Variants in APOL2 observed in about 807,000 individuals in gnomAD.
APOL2 encodes apolipoprotein L2.
Under a neutral mutation model 7.1 loss-of-function variants are expected in APOL2, and 8 were observed. The ratio of observed to expected loss-of-function variants is 1.12; its 90% CI spans 0.66 to 2.03. APOL2 has a LOEUF of 2.03. Ranked by LOEUF, APOL2 falls within the 30% of genes most tolerant of loss-of-function variation. The probability of loss-of-function intolerance (pLI) is 0.00; values close to 1 mark genes in which losing one functional copy is unlikely to be tolerated. For synonymous variants in APOL2, 177 were observed against 159.9 expected (o/e 1.11, Z -0.81); for missense variants, 471 against 415.1 (o/e 1.13, Z -1.17).
intron 1 of APOL2, among the ~76,000 whole-genome samples, chr22:36,238,821 C>T (rs958745024): frequency 3.3e-5 from 5 of 152,320 alleles, no homozygotes; most frequent in Middle Eastern, 3.4e-3. Context: ...GGGCCAGAGA[C>T]GTGAAGTCCT....
intron 4 of APOL2, among the ~76,000 whole-genome samples, chr22:36,230,479 C>T (rs892906059): frequency 6.6e-6 from 1 of 152,092 alleles, no homozygotes; most frequent in Non-Finnish European, 1.5e-5. Context: ...CCCTTGGTGC[C>T]TCTCTTTCCA....
intron 1 of APOL2, chr22:36,236,967 G>A: frequency 7.3e-7 from 1 of 1,361,430 alleles, no homozygotes. Context: ...TAGGCCAGGG[G>A]AGCTGTCTCA....
intron 2 of APOL2, 64 bp downstream of exon 2, chr22:36,233,338 A>C: frequency 6.3e-7 from 1 of 1,581,128 alleles, no homozygotes; most frequent in Non-Finnish European, 8.6e-7. Flanking sequence ...CCTCTGTGGT[A>C]GCAGCAAATG....
chr22:36,232,870 C>A lies in APOL2; in HGVS notation c.10+283G>T, dbSNP rs114631143. Among the ~76,000 whole-genome samples the A allele has an allele frequency of 4.0e-3, 602 of 151,852 alleles. 4 individuals are homozygous for A. Among genetic ancestry groups the A allele is most frequent in the African/African-American group, 0.014 (565 of 41,404 alleles). On this transcript the variant is annotated intron_variant, in intron 3 of 4. Coordinates refer to ENST00000358502, the MANE Select transcript of APOL2 (RefSeq NM_030882.4). ...CCCCCACTCCCCTCTCTTGCTTGTT[C>A]CACTTCCTCATGGCTGTCCTGCCCC...
rs138873667 is a variant in APOL2, at chr22:36,239,505, G to C, written c.-198C>G. ...CTGTTCTGAGCTGTGTGGATCCCAC[G>C]TCCAGCTGTGCATCTGTGTAATAAC... On this transcript the variant is annotated 5_prime_UTR_variant, in exon 1 of 5. Transcript: ENST00000358502. 6.3e-7 allele frequency: 1 copy of C among 1,585,764 alleles called. No homozygotes were observed. Among genetic ancestry groups the C allele is most frequent in the Non-Finnish European group, 8.5e-7 (1 of 1,172,758 alleles).
chr22:36,233,053 A>C, intron 3 of APOL2, 100 bp downstream of exon 3: 3 of 1,227,216 alleles, frequency 2.4e-6, no homozygotes, highest in South Asian at 2.5e-5. Flanking sequence ...TTGGCCTCCT[A>C]GTCCATCTGG....
intron 1 of APOL2, among the ~76,000 whole-genome samples, chr22:36,233,952 C>G (rs778538428): frequency 6.6e-6 from 1 of 152,254 alleles, no homozygotes; most frequent in African/African-American, 2.4e-5. Context: ...CCTGTGTCCC[C>G]GTTGCTTCTC....
At position 36,239,485 on chromosome 22, in the gene APOL2, C is replaced by G; in HGVS notation, c.-178G>C. On this transcript the variant is annotated 5_prime_UTR_variant, in exon 1 of 5. Coordinates refer to ENST00000358502, the MANE Select transcript of APOL2 (RefSeq NM_030882.4). ...AGAGACTGAGCAAGATCCAACTGTT[C>G]TGAGCTGTGTGGATCCCACGTCCAG... 1 of 1,583,622 alleles carries G rather than the reference C, an allele frequency of 6.3e-7. No individual in the cohort carries two copies. Among genetic ancestry groups the G allele is most frequent in the Non-Finnish European group, 8.5e-7 (1 of 1,171,554 alleles).
intron 4 of APOL2, among the ~76,000 whole-genome samples, chr22:36,229,547 C>T (rs2015145482): frequency 6.6e-6 from 1 of 152,224 alleles, no homozygotes; most frequent in African/African-American, 2.4e-5. Context: ...AGACTCTGCC[C>T]TGTGTGTCTC....
chr22:36,233,200 A>G lies in APOL2; in HGVS notation c.-38T>C, dbSNP rs2015288501. The G allele has an allele frequency of 6.2e-7, 1 of 1,614,068 alleles. No homozygotes were observed. Among genetic ancestry groups the G allele is most frequent in the Non-Finnish European group, 8.5e-7 (1 of 1,179,988 alleles). ...TGGGTTACCGAGGGGCTTTCCTTGG[A>G]GCTCTCCAGTCACTGTCCAGACTGG... On this transcript the variant is annotated 5_prime_UTR_variant, in exon 3 of 5. Coordinates refer to ENST00000358502, the MANE Select transcript of APOL2 (RefSeq NM_030882.4).
intron 1 of APOL2, among the ~76,000 whole-genome samples, chr22:36,234,829 T>C (rs758750552): frequency 5.3e-5 from 8 of 152,148 alleles, no homozygotes; most frequent in African/African-American, 9.7e-5. Context: ...CATTTTCAGG[T>C]AAGAAAACTG....
intron 1 of APOL2, chr22:36,236,838 A>G: frequency 1.7e-6 from 2 of 1,193,646 alleles, no homozygotes; most frequent in Non-Finnish European, 2.1e-6. Context: ...AGTCCTGGGC[A>G]GCAGTTCACC....
chr22:36,236,846 A>G, intron 1 of APOL2: 1 of 1,208,558 alleles, frequency 8.3e-7, no homozygotes, highest in Non-Finnish European at 1.0e-6. Context: ...GCAGCAGTTC[A>G]CCAGGGGAGT....
At chr22:36,229,980 G>C (rs1341920716) in intron 4 of APOL2, among the ~76,000 whole-genome samples, 1 of 152,186 alleles carries the variant, frequency 6.6e-6, no homozygotes, top group Non-Finnish European at 1.5e-5. Context: ...CAACCTTCCA[G>C]GTCTCACTCG....
chr22:36,237,345 G>A (rs950547999), intron 1 of APOL2: 1 of 1,322,024 alleles, frequency 7.6e-7, no homozygotes, highest in Non-Finnish European at 9.7e-7. Flanking sequence ...CTCCCTCCAA[G>A]TGGTTGTGGG....
At chr22:36,235,480 T>C (rs1262847123) in intron 1 of APOL2, among the ~76,000 whole-genome samples, 5 of 151,954 alleles carry the variant, frequency 3.3e-5, no homozygotes, top group Admixed American at 6.6e-5. Flanking sequence ...ATTTTATTCA[T>C]AAACTTAAAA....
chr22:36,231,575 G>T, intron 3 of APOL2, 109 bp from the exon 4 acceptor site: 1 of 1,365,522 alleles, frequency 7.3e-7, no homozygotes. Context: ...CTGTGATGTG[G>T]GACATGTTTG....
At chr22:36,231,581 G>A in intron 3 of APOL2, 115 bp from the exon 4 acceptor site, 5 of 1,288,338 alleles carry the variant, frequency 3.9e-6, no homozygotes, top group Non-Finnish European at 5.5e-6. Flanking sequence ...TGTGGGACAT[G>A]TTTGATGGAG....
intron 3 of APOL2, among the ~76,000 whole-genome samples, chr22:36,231,733 T>C (rs2015232376): frequency 6.6e-6 from 1 of 152,178 alleles, no homozygotes; most frequent in South Asian, 2.1e-4. Context: ...CTAATCCTAC[T>C]AGAGGGCTAG....
Sources: gnomAD v4.1 joint callset for allele counts (sites outside exome capture counted in the v4.1 genomes callset) on GRCh38, gnomAD v4.1.1 for gene constraint, MANE v1.5 for transcripts, NCBI Gene and HGNC (gene_info 2026-07-23, HGNC 2026-07-21) for gene names.